CLCC1: variants seen among roughly 807,000 people sequenced by gnomAD.
CLCC1 encodes chloride channel CLIC like 1.
CLCC1 carries 39 observed loss-of-function variants against 63.3 expected under a neutral mutation model. That is an observed-to-expected ratio of 0.62 (90% CI 0.48 to 0.81). The LOEUF (loss-of-function observed/expected upper bound fraction) is 0.81, where lower values mean the gene tolerates loss of function less well. Among genes scored for constraint, CLCC1 ranks in the 30% least tolerant of loss-of-function variants. CLCC1 has a pLI of 0.00. For synonymous variants in CLCC1, 217 were observed against 239.8 expected, an observed-to-expected ratio of 0.90 and a Z score of 0.88; for missense variants, 549 against 669.4, an observed-to-expected ratio of 0.82 and a Z score of 1.98.
At chr1:108,952,775 G>A (rs1230723884) in intron 2 of CLCC1, among the ~76,000 whole-genome samples, 2 of 151,338 alleles carry the variant, frequency 1.3e-5, no homozygotes, top group African/African-American at 4.9e-5. Flanking sequence ...ACTCCAGCCT[G>A]GGTGACAGAG....
intron 4 of CLCC1, 89 bp downstream of exon 4, chr1:108,949,731 C>A: frequency 1.4e-6 from 1 of 696,810 alleles, no homozygotes; most frequent in South Asian, 2.5e-5. Context: ...CACGGAAACA[C>A]TAGAAATACA....
chr1:108,954,176 A>G (rs1413759757), intron 2 of CLCC1, among the ~76,000 whole-genome samples: 1 of 151,048 alleles, frequency 6.6e-6, no homozygotes, highest in Non-Finnish European at 1.5e-5. Context: ...GGATACGGTG[A>G]GAGGTAGAGG....
At chr1:108,962,158 G>A (rs115904025) in intron 2 of CLCC1, among the ~76,000 whole-genome samples, 151 bp downstream of exon 2, 3,381 of 152,296 alleles carry the variant, frequency 0.022, 58 homozygotes, top group Non-Finnish European at 0.029. Context: ...GGGAAATAGG[G>A]AGAGTAGTTT....
chr1:108,953,200 T>C (rs1655432752), intron 2 of CLCC1, among the ~76,000 whole-genome samples: 1 of 152,182 alleles, frequency 6.6e-6, no homozygotes, highest in African/African-American at 2.4e-5. Flanking sequence ...CAGCTTACGG[T>C]CTAGTTGTAC....
rs1243362917 is a variant in CLCC1, at chr1:108,931,658, C to T, written c.*889G>A. On this transcript the variant is annotated 3_prime_UTR_variant, in exon 13 of 13. Transcript: ENST00000369969. ...AAAAAAAAAAAGTTCTAAATTACAA[C>T]CTGGATTACATTATGTTTCATGTAT... The T allele has an allele frequency of 6.7e-6, 6 of 899,218 alleles. No individual in the cohort carries two copies. Among genetic ancestry groups the T allele is most frequent in the Non-Finnish European group, 9.5e-6 (6 of 633,994 alleles). 55.7% of individuals were successfully genotyped at this position (899,218 alleles called of 1,614,324 possible). A position where few individuals can be genotyped will look rare whatever the true frequency, so the allele number is the denominator to read the frequency against.
rs796854773 is a variant in CLCC1 at position 108,947,570 on chromosome 1, T to C, written c.339+41A>G. On this transcript the variant is annotated intron_variant, in intron 5 of 12. Coordinates refer to ENST00000369969, the MANE Select transcript of CLCC1 (RefSeq NM_001377458.1). Reference sequence around the variant, plus strand: ...ATTATTTGAAATTAATAAATAAAAATATACACTATACGGATTAGTATCACA... The same window carrying C: ...ATTATTTGAAATTAATAAATAAAAACATACACTATACGGATTAGTATCACA... The C allele has an allele frequency of 4.4e-6, 5 of 1,127,782 alleles. No individual in the cohort carries two copies. In the African/African-American group the frequency reaches 6.4e-5, roughly 14 times the overall value. 69.9% of individuals were successfully genotyped at this position (1,127,782 alleles called of 1,614,324 possible).
chr1:108,938,954 C>G (rs1387348801), intron 10 of CLCC1, among the ~76,000 whole-genome samples: 1 of 151,880 alleles, frequency 6.6e-6, no homozygotes, highest in African/African-American at 2.4e-5. Flanking sequence ...ATGTCTGTAT[C>G]ATTTAGAGGG....
chr1:108,959,987 G>A lies in CLCC1; in HGVS notation c.-12+2322C>T, dbSNP rs539352142. On this transcript the variant is annotated intron_variant, in intron 2 of 12. Transcript: ENST00000369969. ...TCTACAAAACTTGAAACAAAATTTA[G>A]CTGGGTGTGGTGGCATACGTCTATA... is the stretch of plus-strand genomic sequence containing the variant. 3.4e-4 allele frequency among the ~76,000 whole-genome samples: 52 copies of A among 152,182 alleles called. No individual in the cohort carries two copies. In the Middle Eastern group the frequency reaches 0.01, roughly 30 times the overall value.
rs1437843124 is a variant in CLCC1 at position 108,930,430 on chromosome 1, CTGT to C, written c.*2114_*2116del. 1.3e-5 allele frequency: 2 copies of C among 153,730 alleles called. No individual in the cohort carries two copies. The highest frequency in any genetic ancestry group is 4.8e-5 in the African/African-American group (2 of 41,304). 9.5% of individuals were successfully genotyped at this position (153,730 alleles called of 1,614,324 possible). ...AGGTTTTTTTTTCCTCCATGAAAAT[CTGT>C]TTTTTTAGGCCAAAGTCAGTATAAA... On this transcript the variant is annotated 3_prime_UTR_variant, in exon 13 of 13. Transcript: ENST00000369969.
intron 11 of CLCC1, among the ~76,000 whole-genome samples, 192 bp from the exon 12 acceptor site, chr1:108,935,134 G>A (rs1455672889): frequency 1.3e-5 from 2 of 152,220 alleles, no homozygotes; most frequent in African/African-American, 4.8e-5. Flanking sequence ...TCCCACAGAG[G>A]AGTGGGAACG....
intron 1 of CLCC1, among the ~76,000 whole-genome samples, chr1:108,963,070 G>C (rs1053512052): frequency 6.6e-6 from 1 of 152,228 alleles, no homozygotes; most frequent in African/African-American, 2.4e-5. Flanking sequence ...CGTGCGCTCA[G>C]GTCTCGCTTT....
intron 2 of CLCC1, among the ~76,000 whole-genome samples, chr1:108,953,670 T>C (rs1655486982): frequency 6.6e-6 from 1 of 152,150 alleles, no homozygotes; most frequent in Non-Finnish European, 1.5e-5. Flanking sequence ...CAAATGCAAA[T>C]AAAGCCATAG....
chr1:108,956,031 A>G (rs1019533026), intron 2 of CLCC1, among the ~76,000 whole-genome samples: 1 of 151,436 alleles, frequency 6.6e-6, no homozygotes. Context: ...ATCCCCTCTC[A>G]TCCATCCATC....
intron 2 of CLCC1, among the ~76,000 whole-genome samples, chr1:108,955,768 C>T (rs908775861): frequency 2.6e-5 from 4 of 151,478 alleles, no homozygotes; most frequent in African/African-American, 9.8e-5. Flanking sequence ...AGCAGGGACA[C>T]CCTTCTTCTC....
intron 7 of CLCC1, 58 bp from the exon 8 acceptor site, chr1:108,941,556 A>C (rs1653843826): frequency 1.5e-6 from 2 of 1,304,440 alleles, no homozygotes; most frequent in Admixed American, 1.9e-5. Context: ...TTAGGCCTAC[A>C]CATCCAAAAG....
intron 4 of CLCC1, among the ~76,000 whole-genome samples, chr1:108,949,102 A>G (rs1248876989): frequency 6.6e-6 from 1 of 152,134 alleles, no homozygotes. Flanking sequence ...CTACCTCATA[A>G]AAGTTTAATA....
At chr1:108,959,696 A>T (rs1217130698) in intron 2 of CLCC1, among the ~76,000 whole-genome samples, 1 of 152,210 alleles carries the variant, frequency 6.6e-6, no homozygotes, top group Non-Finnish European at 1.5e-5. Context: ...AGGATCTTAG[A>T]ATGTATACTC....
At chr1:108,946,126 C>A (rs1214207967) in intron 5 of CLCC1, among the ~76,000 whole-genome samples, 1 of 152,044 alleles carries the variant, frequency 6.6e-6, no homozygotes, top group Non-Finnish European at 1.5e-5. Flanking sequence ...CTGGCTAACA[C>A]GGTGAAACCC....
In CLCC1 at chr1:108,962,320, G is replaced by A. The variant is rs1656761772; in HGVS notation, c.-23C>T. On this transcript the variant is annotated 5_prime_UTR_variant, in exon 2 of 13. Coordinates refer to ENST00000369969, the MANE Select transcript of CLCC1 (RefSeq NM_001377458.1). ...AAGGCAAGACTAACCTGGATTAGTA[G>A]AGTCAAATCCTGTTTTAGACTAGAA... 6.6e-6 allele frequency: 1 copy of A among 152,208 alleles called. No individual in the cohort carries two copies. Among genetic ancestry groups the A allele is most frequent in the Non-Finnish European group, 1.5e-5 (1 of 68,030 alleles). 9.4% of individuals were successfully genotyped at this position (152,208 alleles called of 1,614,324 possible). A position where few individuals can be genotyped will look rare whatever the true frequency, so the allele number is the denominator to read the frequency against.
Sources: allele counts gnomAD v4.1 joint callset (sites outside exome capture counted in the v4.1 genomes callset), GRCh38; gene constraint gnomAD v4.1.1; transcripts MANE v1.5; gene names NCBI Gene and HGNC (gene_info 2026-07-23, HGNC 2026-07-21).